Variants in MSR1 observed in about 807,000 individuals in gnomAD.
MSR1 encodes the protein macrophage scavenger receptor 1.
A neutral mutation model predicts 47.2 loss-of-function variants in MSR1; 53 were observed. That is an observed-to-expected ratio of 1.12 (90% CI 0.90 to 1.41). The LOEUF is 1.41. Ranked by LOEUF, MSR1 falls within the 40% of genes most tolerant of loss-of-function variation. The pLI is 0.00. For synonymous variants in MSR1, 239 were observed against 185.6 expected (o/e 1.29, Z -2.34); for missense variants, 786 against 546.9 (o/e 1.44, Z -4.36).
At chr8:16,121,132 C>G (rs12678780) in intron 8 of MSR1, 7 of 432,364 alleles carry the variant, frequency 1.6e-5, no homozygotes, top group African/African-American at 1.0e-4. Context: ...TAGTGACAAC[C>G]TTCATTTAGA....
At chr8:16,184,258 T>G (rs984013573) in intron 1 of MSR1, among the ~76,000 whole-genome samples, 1 of 152,062 alleles carries the variant, frequency 6.6e-6, no homozygotes, top group African/African-American at 2.4e-5. Flanking sequence ...TAGATTCAGG[T>G]AACTTCCTGT....
chr8:16,111,793 C>T (rs1050476964), intron 9 of MSR1, among the ~76,000 whole-genome samples: 1 of 152,084 alleles, frequency 6.6e-6, no homozygotes, highest in African/African-American at 2.4e-5. Context: ...AAACTGAATG[C>T]CATTATTGTG....
chr8:16,125,829 C>A lies in MSR1; in HGVS notation c.1034-5223G>T, dbSNP rs577328552. ...TCTCCCAGATTGAAGTGCTGTGGTG[C>A]AGTCATAGCTCACTGCAGCCTCAAA... On this transcript the variant is annotated intron_variant, in intron 8 of 9. Transcript: ENST00000262101. 2.2e-3 allele frequency among the ~76,000 whole-genome samples: 333 copies of A among 152,106 alleles called. 1 individual carries two copies. The highest frequency in any genetic ancestry group is 7.7e-3 in the African/African-American group (318 of 41,514).
intron 9 of MSR1, among the ~76,000 whole-genome samples, chr8:16,115,833 A>G (rs1799865623): frequency 6.6e-6 from 1 of 151,994 alleles, no homozygotes; most frequent in Admixed American, 6.6e-5. Context: ...AAGATTTAAA[A>G]AAAAATTAGC....
At chr8:16,146,166 C>G (rs1251167816) in intron 7 of MSR1, among the ~76,000 whole-genome samples, 1 of 151,958 alleles carries the variant, frequency 6.6e-6, no homozygotes, top group Non-Finnish European at 1.5e-5. Flanking sequence ...GCCTTTCCAT[C>G]CCCCGTTTCT....
chr8:16,131,810 C>A (rs778033222), intron 8 of MSR1, among the ~76,000 whole-genome samples: 4 of 151,910 alleles, frequency 2.6e-5, no homozygotes, highest in Non-Finnish European at 4.4e-5. Flanking sequence ...GGCAATGTTT[C>A]TGGGTTCTCT....
At chr8:16,120,665 C>G (rs1371935669) in intron 8 of MSR1, 59 bp from the exon 9 acceptor site, 1 of 1,489,682 alleles carries the variant, frequency 6.7e-7, no homozygotes, top group Non-Finnish European at 8.9e-7. Context: ...TAATTATGTA[C>G]ATACTGCTTT....
intron 7 of MSR1, among the ~76,000 whole-genome samples, chr8:16,149,217 G>A (rs2117128598): frequency 6.6e-6 from 1 of 152,176 alleles, no homozygotes; most frequent in Admixed American, 6.6e-5. Context: ...TTTATTAATG[G>A]TTACATATAT....
chr8:16,139,761 AAAAAAAAAAAAAAATATATATATATATAT>A (rs1800486837), intron 8 of MSR1: 1 of 164,158 alleles, frequency 6.1e-6, no homozygotes, highest in African/African-American at 7.0e-5. Flanking sequence ...AAAAAAAAAA[AAAAAAAAAAAAAAATATATATATATATAT>A]ATATATATAT....
chr8:16,167,546 AAAAC>A (rs35532101), intron 4 of MSR1, among the ~76,000 whole-genome samples: 5,012 of 152,120 alleles, frequency 0.033, 112 homozygotes, highest in South Asian at 0.078. Flanking sequence ...CTCCATCTCA[AAAAC>A]AAACAAACAA....
intron 8 of MSR1, among the ~76,000 whole-genome samples, chr8:16,138,128 T>C (rs1214579682): frequency 2.0e-5 from 3 of 152,044 alleles, no homozygotes; most frequent in East Asian, 1.9e-4. Context: ...AAAAAACAAA[T>C]GGATTTTTCC....
At chr8:16,132,981 A>C (rs1354945397) in intron 8 of MSR1, among the ~76,000 whole-genome samples, 1 of 152,102 alleles carries the variant, frequency 6.6e-6, no homozygotes, top group East Asian at 1.9e-4. Context: ...TAACATGAAG[A>C]GGTGTTGAAT....
rs76610092 is a variant in MSR1, at chr8:16,131,420, T to A, written c.1034-10814A>T. 0.01 allele frequency among the ~76,000 whole-genome samples: 1,514 copies of A among 150,768 alleles called. 75 individuals carry two copies. The East Asian group carries it at 0.11, about 11-fold the overall frequency. On this transcript the variant is annotated intron_variant, in intron 8 of 9. Transcript: ENST00000262101. The stretch of plus-strand genomic sequence containing the variant: ...TGCAAATATTTTCTCCCATTCTATG[T>A]ATCTGTTTACTCTGTTGATAGTTTT...
At chr8:16,121,498 A>C (rs1271821596) in intron 8 of MSR1, among the ~76,000 whole-genome samples, 3 of 152,072 alleles carry the variant, frequency 2.0e-5, no homozygotes, top group Non-Finnish European at 4.4e-5. Context: ...AACAAATATT[A>C]TAAGAGCAAT....
intron 5 of MSR1, among the ~76,000 whole-genome samples, chr8:16,157,617 A>C (rs1801046822): frequency 6.6e-6 from 1 of 152,050 alleles, no homozygotes; most frequent in African/African-American, 2.4e-5. Context: ...GATCTCAATA[A>C]ATGTTTTAAG....
rs751242565 is a variant in MSR1 at position 16,110,039 on chromosome 8, C to T, written c.*46G>A. 1.5e-5 allele frequency: 24 copies of T among 1,609,832 alleles called. No individual in the cohort carries two copies. The highest frequency in any genetic ancestry group is 1.6e-4 in the Middle Eastern group (1 of 6,072). On this transcript the variant is annotated 3_prime_UTR_variant, in exon 10 of 10. Coordinates refer to ENST00000262101, the MANE Select transcript of MSR1 (RefSeq NM_138715.3). ...TTTTACAGGAACAAGGTAATAAAAT[C>T]ATTTTTGAGCAGCGATTTCATAGTT...
intron 1 of MSR1, among the ~76,000 whole-genome samples, chr8:16,181,546 G>A (rs561562612): frequency 5.3e-5 from 8 of 152,122 alleles, no homozygotes; most frequent in South Asian, 4.1e-4. Flanking sequence ...AACTAACACA[G>A]GAACGGAAAA....
At chr8:16,119,983 T>A (rs1799959228) in intron 9 of MSR1, among the ~76,000 whole-genome samples, 1 of 151,462 alleles carries the variant, frequency 6.6e-6, no homozygotes, top group African/African-American at 2.4e-5. Flanking sequence ...CCCAAAGTGC[T>A]GGGACTACAA....
chr8:16,156,627 C>T (rs534763951), intron 5 of MSR1, among the ~76,000 whole-genome samples: 13 of 151,642 alleles, frequency 8.6e-5, no homozygotes, highest in Admixed American at 8.6e-4. Context: ...CTAGAAAAAG[C>T]GTGAGGAAGA....
Sources: gnomAD v4.1 joint callset for allele counts (sites outside exome capture counted in the v4.1 genomes callset) on GRCh38, gnomAD v4.1.1 for gene constraint, MANE v1.5 for transcripts, NCBI Gene and HGNC (gene_info 2026-07-23, HGNC 2026-07-21) for gene names.